The following ACTG2 variants were observed in gnomAD, a reference collection of about 807,000 sequenced individuals.
The protein encoded by ACTG2 is actin, gamma-enteric smooth muscle.
A neutral mutation model predicts 37.6 loss-of-function variants in ACTG2; 16 were observed. The observed-to-expected ratio is 0.43, with a 90% CI of 0.29 to 0.65. The LOEUF (loss-of-function observed/expected upper bound fraction) is 0.65, where lower values mean the gene tolerates loss of function less well. Among genes scored for constraint, ACTG2 ranks in the 30% least tolerant of loss-of-function variants. The pLI, the probability that ACTG2 is intolerant of heterozygous loss-of-function variation, is 0.18. For synonymous variants in ACTG2, 181 were observed against 179.9 expected, an observed-to-expected ratio of 1.01 and a Z score of -0.05; for missense variants, 238 against 490.9, an observed-to-expected ratio of 0.48 and a Z score of 4.87.
chr2:73,901,199 G>A (rs1014550762), intron 1 of ACTG2, 77 bp from the exon 2 acceptor site: 1 of 1,228,182 alleles, frequency 8.1e-7, no homozygotes, highest in Non-Finnish European at 1.1e-6. Context: ...GGTAGGGTCA[G>A]GCCCCAAAGC....
At position 73,914,886 on chromosome 2, in the gene ACTG2, A is replaced by G. The variant is rs1392524499; in HGVS notation, c.805+15A>G. 3 of 1,541,770 alleles carry G rather than the reference A, an allele frequency of 1.9e-6. No individual in the cohort carries two copies. The South Asian group carries it at 3.7e-5, about 19-fold the overall frequency. On this transcript the variant is annotated intron_variant, in intron 7 of 8. Coordinates refer to ENST00000345517, the MANE Select transcript of ACTG2 (RefSeq NM_001615.4). ...TTCCTTTATTGGTGAGGTGCTGCCC[A>G]CAGTCCCTGCCAATCTCAGGAGGGG...
At chr2:73,898,399 A>C (rs1380046809) in intron 1 of ACTG2, among the ~76,000 whole-genome samples, 1 of 112,022 alleles carries the variant, frequency 8.9e-6, no homozygotes, top group Non-Finnish European at 2.1e-5. Flanking sequence ...CATTGTATGG[A>C]GGCTTCCAGC....
intron 5 of ACTG2, among the ~76,000 whole-genome samples, chr2:73,911,334 A>T (rs1431676283): frequency 6.6e-6 from 1 of 152,094 alleles, no homozygotes; most frequent in Non-Finnish European, 1.5e-5. Flanking sequence ...ATCTCTACAA[A>T]AAATACAAAA....
intron 1 of ACTG2, among the ~76,000 whole-genome samples, chr2:73,894,330 C>A (rs1679695490): frequency 6.6e-6 from 1 of 152,108 alleles, no homozygotes. Context: ...CTGATACTAA[C>A]CCTTGGGCTG....
intron 3 of ACTG2, among the ~76,000 whole-genome samples, chr2:73,905,408 A>C (rs1679996295): frequency 6.6e-6 from 1 of 152,180 alleles, no homozygotes; most frequent in Non-Finnish European, 1.5e-5. Context: ...TGCAAAACAA[A>C]AGGGCAATGA....
At chr2:73,898,301 T>G (rs1355618108) in intron 1 of ACTG2, among the ~76,000 whole-genome samples, 3 of 85,888 alleles carry the variant, frequency 3.5e-5, no homozygotes, top group Non-Finnish European at 9.3e-5. Flanking sequence ...CTAAGTTCTT[T>G]ACCTTCTCTG....
At chr2:73,906,343 C>T (rs1680014594) in intron 3 of ACTG2, among the ~76,000 whole-genome samples, 1 of 151,832 alleles carries the variant, frequency 6.6e-6, no homozygotes, top group Non-Finnish European at 1.5e-5. Flanking sequence ...CCCAGCTACT[C>T]GGGAGGCTGA....
At position 73,914,098 on chromosome 2, in the gene ACTG2, GC is replaced by G. The variant is rs368345735; in HGVS notation, c.613+457del. Among the ~76,000 whole-genome samples the G allele has an allele frequency of 1.1e-4, 17 of 152,250 alleles. 1 individual carries two copies. The South Asian group carries it at 3.1e-3, about 28-fold the overall frequency. ...CTAGACCAGAAATATGTCCTGCAAA[GC>G]CCCCAGGAAGGCCTAAGGCTTTGTC... On this transcript the variant is annotated intron_variant, in intron 6 of 8. Coordinates refer to ENST00000345517, the MANE Select transcript of ACTG2 (RefSeq NM_001615.4).
intron 1 of ACTG2, among the ~76,000 whole-genome samples, chr2:73,894,503 C>A (rs567386429): frequency 6.6e-6 from 1 of 152,198 alleles, no homozygotes; most frequent in Non-Finnish European, 1.5e-5. Context: ...ATTCTGCCAA[C>A]ATTTATTGAG....
intron 8 of ACTG2, among the ~76,000 whole-genome samples, chr2:73,918,285 T>C (rs1365022526): frequency 2.0e-5 from 3 of 152,134 alleles, no homozygotes; most frequent in Non-Finnish European, 4.4e-5. Context: ...GTAGGGCTTA[T>C]ATTTAGGACC....
At chr2:73,917,134 G>T (rs1208009396) in intron 8 of ACTG2, among the ~76,000 whole-genome samples, 1 of 152,052 alleles carries the variant, frequency 6.6e-6, no homozygotes, top group Admixed American at 6.6e-5. Flanking sequence ...CTCTAACTGT[G>T]CCACTGCACT....
chr2:73,911,760 A>T (rs1680145427), intron 5 of ACTG2, among the ~76,000 whole-genome samples: 1 of 152,204 alleles, frequency 6.6e-6, no homozygotes, highest in Admixed American at 6.5e-5. Context: ...ATGTGGTCCG[A>T]AGTTGACCAA....
chr2:73,901,582 CTGTGCG>C lies in ACTG2; in HGVS notation c.126+150_126+155del, dbSNP rs1679882200. On this transcript the variant is annotated intron_variant, in intron 2 of 8. Transcript: ENST00000345517. The stretch of plus-strand genomic sequence containing the variant: ...TGTGTGTGTGTGTGTGTGTGTGTGT[CTGTGCG>C]TGTGTGTGTGTGTGTGTCTGTGCAT... 10 of 52,850 alleles carry C rather than the reference CTGTGCG, an allele frequency of 1.9e-4. No homozygotes were observed. In the South Asian group the frequency reaches 2.2e-3, roughly 12 times the overall value. The allele number at this position is 52,850 out of a possible 1,614,324, so 3.3% of individuals were successfully genotyped here.
intron 8 of ACTG2, among the ~76,000 whole-genome samples, chr2:73,917,321 G>T (rs1435115747): frequency 1.3e-5 from 2 of 152,238 alleles, no homozygotes; most frequent in Non-Finnish European, 2.9e-5. Context: ...GAGGGTAAAA[G>T]TTCCAAAGAG....
rs1445680853 is a variant in ACTG2 at position 73,902,498 on chromosome 2, G to C, written c.255+10G>C. ...GGATGACATGGAGAAGGTATCTGTA[G>C]ACTTCCCCTTAATGAGCCTGCTTTA... On this transcript the variant is annotated intron_variant, in intron 3 of 8. Coordinates refer to ENST00000345517, the MANE Select transcript of ACTG2 (RefSeq NM_001615.4). 5.6e-6 allele frequency: 9 copies of C among 1,613,800 alleles called. No individual in the cohort carries two copies. In the South Asian group the frequency reaches 9.9e-5, roughly 18 times the overall value.
intron 1 of ACTG2, among the ~76,000 whole-genome samples, chr2:73,900,325 C>T (rs1159817686): frequency 6.6e-6 from 1 of 152,174 alleles, no homozygotes; most frequent in African/African-American, 2.4e-5. Flanking sequence ...GCTTCTCCTT[C>T]ATCACCAAAT....
intron 3 of ACTG2, chr2:73,902,743 G>A: frequency 6.4e-7 from 1 of 1,550,770 alleles, no homozygotes; most frequent in East Asian, 2.4e-5. Context: ...CTACACTGCT[G>A]CAAAACTGAT....
At chr2:73,916,400 G>T (rs1302683468) in intron 7 of ACTG2, among the ~76,000 whole-genome samples, 184 bp from the exon 8 acceptor site, 1 of 150,406 alleles carries the variant, frequency 6.6e-6, no homozygotes, top group Non-Finnish European at 1.5e-5. Context: ...AGATCAATCA[G>T]AACTGGGGAC....
chr2:73,917,713 G>T (rs868855299), intron 8 of ACTG2, among the ~76,000 whole-genome samples: 1 of 152,164 alleles, frequency 6.6e-6, no homozygotes, highest in Non-Finnish European at 1.5e-5. Flanking sequence ...AGGCTGCCCC[G>T]GGCCTTCCCC....
Sources: allele counts gnomAD v4.1 joint callset (sites outside exome capture counted in the v4.1 genomes callset), GRCh38; gene constraint gnomAD v4.1.1; transcripts MANE v1.5; gene names NCBI Gene and HGNC (gene_info 2026-07-23, HGNC 2026-07-21).